The following HECTD4 variants were observed in gnomAD, a reference collection of about 807,000 sequenced individuals.
The protein encoded by HECTD4 is probable E3 ubiquitin-protein ligase HECTD4.
A neutral mutation model predicts 471.5 loss-of-function variants in HECTD4; 114 were observed. The ratio of observed to expected loss-of-function variants is 0.24; its 90% CI spans 0.21 to 0.28. The LOEUF (loss-of-function observed/expected upper bound fraction) is 0.28. Ranked by LOEUF, HECTD4 falls within the 10% of genes least tolerant of loss-of-function variation. HECTD4 has a pLI of 1.00. For synonymous variants in HECTD4, 2,012 were observed against 2,256.0 expected (o/e 0.89, Z 3.07); for missense variants, 3,866 against 5,651.5 (o/e 0.68, Z 10.13).
intron 59 of HECTD4, 59 bp from the exon 60 acceptor site, chr12:112,191,024 T>C: frequency 7.1e-7 from 1 of 1,404,426 alleles, no homozygotes; most frequent in Non-Finnish European, 9.6e-7. Context: ...CAAATAAGCC[T>C]CACAAAAGGT....
chr12:112,357,111 C>T (rs903212263), intron 1 of HECTD4, among the ~76,000 whole-genome samples: 2 of 152,066 alleles, frequency 1.3e-5, no homozygotes, highest in Admixed American at 1.3e-4. Context: ...TGAAAAAAAG[C>T]AGGACTAAAT....
chr12:112,251,175 A>C, intron 23 of HECTD4, 41 bp from the exon 24 acceptor site: 1 of 1,592,492 alleles, frequency 6.3e-7, no homozygotes, highest in South Asian at 1.1e-5. Context: ...GTCAGTGTAC[A>C]CTGGCAGAGG....
At position 112,381,058 on chromosome 12, in the gene HECTD4, G is replaced by A. The variant is rs1195184295; in HGVS notation, c.177+894C>T. On this transcript the variant is annotated intron_variant, in intron 1 of 75. Transcript: ENST00000682272. This position sits in a 1 kb window ranked among gnomAD's most constrained non-coding sequence, Gnocchi z 4.1. ...AAATGTCATCCCACAAAGTGGAAGG[G>A]GAGCAGTGTCAGCATCCGTTGGCCT... Among the ~76,000 whole-genome samples, 1 of 152,098 alleles carries A rather than the reference G, an allele frequency of 6.6e-6. No homozygotes were observed. Among genetic ancestry groups the A allele is most frequent in the Non-Finnish European group, 1.5e-5 (1 of 68,018 alleles).
intron 1 of HECTD4, among the ~76,000 whole-genome samples, chr12:112,374,942 C>T (rs984527692): frequency 6.6e-6 from 1 of 152,220 alleles, no homozygotes; most frequent in Non-Finnish European, 1.5e-5. Flanking sequence ...GTAAACTGCA[C>T]ATATTTAAAG....
At chr12:112,240,181 C>T (rs2033606649) in intron 32 of HECTD4, among the ~76,000 whole-genome samples, 154 bp from the exon 33 acceptor site, 1 of 152,172 alleles carries the variant, frequency 6.6e-6, no homozygotes, top group Admixed American at 6.5e-5. Context: ...CTAGACTATG[C>T]AAGACTGCTG....
At chr12:112,325,244 G>C (rs970897649) in intron 1 of HECTD4, among the ~76,000 whole-genome samples, 2 of 152,098 alleles carry the variant, frequency 1.3e-5, no homozygotes, top group Admixed American at 6.6e-5. Flanking sequence ...TAAAAGACAA[G>C]TGCACTGAAA....
chr12:112,252,222 C>T (rs1195591211), intron 23 of HECTD4, among the ~76,000 whole-genome samples: 7 of 152,180 alleles, frequency 4.6e-5, no homozygotes, highest in Admixed American at 4.6e-4. Context: ...TATTTCTGTG[C>T]TGCTGAGTTG....
At chr12:112,298,219 T>C (rs2035083796) in intron 7 of HECTD4, among the ~76,000 whole-genome samples, 1 of 152,048 alleles carries the variant, frequency 6.6e-6, no homozygotes, top group South Asian at 2.1e-4. Context: ...TCAGGAGAGT[T>C]GGTTTTGTTT....
At position 112,297,495 on chromosome 12, in the gene HECTD4, CATTTTGAAG is replaced by C. The variant is rs1365737199; in HGVS notation, c.1335+8560_1335+8568del. Among the ~76,000 whole-genome samples, 10 of 151,862 alleles carry C rather than the reference CATTTTGAAG, an allele frequency of 6.6e-5. 1 individual carries two copies. The highest frequency in any genetic ancestry group is 1.0e-4 in the Non-Finnish European group (7 of 67,950). ...TCTATAGAAGTAATGGGATGGGATA[CATTTTGAAG>C]ATAGAGCAGACAGTATTTGCTGACT... On this transcript the variant is annotated intron_variant, in intron 7 of 75. Coordinates refer to ENST00000682272, the MANE Select transcript of HECTD4 (RefSeq NM_001388303.1).
chr12:112,372,497 G>A (rs1237727693), intron 1 of HECTD4, among the ~76,000 whole-genome samples: 2 of 86,270 alleles, frequency 2.3e-5, no homozygotes, highest in African/African-American at 1.0e-4. Flanking sequence ...TCCTGACCTC[G>A]TGATCCGCCC....
At position 112,319,447 on chromosome 12, in the gene HECTD4, C is replaced by T; in HGVS notation, c.473G>A (p.Ser158Asn). ...GTTACAGAGAGAGGGGTCTGTTCTA[C>T]TCTGGGACTGAATAAGGGGGAAGAC... ...LLVFPLIQSQ[S>N]RTDPSLCNIT... The change falls in exon 2 of 76, where the codon AGT becomes AAT. Residue 158 changes from serine to asparagine, a missense_variant. Ser to Asn is a conservative substitution (Grantham distance 46). This residue lies in a region of HECTD4 where 440 missense variants were observed against 636.0 expected (regional missense o/e 0.69). Transcript: ENST00000682272. The surrounding 1 kb of genome is among the most constrained non-coding windows in gnomAD (Gnocchi z 5.3). 1.3e-6 allele frequency: 2 copies of T among 1,535,158 alleles called. No homozygotes were observed. Among genetic ancestry groups the T allele is most frequent in the East Asian group, 2.4e-5 (1 of 40,902 alleles).
At position 112,248,140 on chromosome 12, in the gene HECTD4, C is replaced by T. The variant is rs1242729601; in HGVS notation, c.4175G>A (p.Ser1392Asn). ...CCCCTGCATGGCATCATCAACTTCA[C>T]TTTGCCATTTTTGTTCCAGTTCTGC... The part of the protein sequence containing the change: ...SVAELEQKWQ[S>N]EVDDAMQGKL... Residue 1392 changes from serine (S) to asparagine (N), a missense_variant, in exon 27 of 76, where the codon AGT becomes AAT. Physicochemically the swap from Ser to Asn is conservative, Grantham distance 46. Coordinates refer to ENST00000682272, the MANE Select transcript of HECTD4 (RefSeq NM_001388303.1). 2 of 1,613,522 alleles carry T rather than the reference C, an allele frequency of 1.2e-6. No individual in the cohort carries two copies. The highest frequency in any genetic ancestry group is 2.2e-5 in the South Asian group (2 of 90,990).
chr12:112,361,374 A>T (rs1216560087), intron 1 of HECTD4, among the ~76,000 whole-genome samples: 1 of 151,942 alleles, frequency 6.6e-6, no homozygotes, highest in Non-Finnish European at 1.5e-5. Context: ...GGCTCAAGCG[A>T]TCCTCCCACC....
chr12:112,208,198 T>C lies in HECTD4; in HGVS notation c.8005-198A>G, dbSNP rs558443632. ...CAGCAACACTAGGGCAAGCTCTTCG[T>C]TTCCCTCTAAAGAAGCCATAGAAGC... On this transcript the variant is annotated intron_variant, in intron 51 of 75. Transcript: ENST00000682272. Among the ~76,000 whole-genome samples, 27 of 152,320 alleles carry C rather than the reference T, an allele frequency of 1.8e-4. No homozygotes were observed. In the South Asian group the frequency reaches 5.0e-3, roughly 28 times the overall value.
At chr12:112,222,337 G>T (rs1175826580) in intron 44 of HECTD4, among the ~76,000 whole-genome samples, 1 of 152,150 alleles carries the variant, frequency 6.6e-6, no homozygotes, top group South Asian at 2.1e-4. Context: ...AATTACAGGC[G>T]TGAGCCACAG....
intron 7 of HECTD4, among the ~76,000 whole-genome samples, chr12:112,284,140 G>GA (rs1322724725): frequency 6.6e-6 from 1 of 152,062 alleles, no homozygotes; most frequent in African/African-American, 2.4e-5. Flanking sequence ...TATTGAAGAT[G>GA]AACCCTTCCA....
chr12:112,176,845 C>T (rs895472971), intron 64 of HECTD4, 143 bp from the exon 65 acceptor site: 6 of 649,010 alleles, frequency 9.2e-6, no homozygotes, highest in Non-Finnish European at 1.4e-5. Context: ...CGTTCAAGAC[C>T]GCCTTTGTTC....
chr12:112,367,293 G>T (rs367564223), intron 1 of HECTD4, among the ~76,000 whole-genome samples: 1 of 122,412 alleles, frequency 8.2e-6, no homozygotes. Flanking sequence ...AGTAAGACTT[G>T]GTCTCAAAAA....
Position 112,199,068 on chromosome 12 carries a change from CTGT to C in HECTD4, c.8567+1567_8567+1569del, listed in dbSNP as rs139748193. ...TGTCAGCTTGGATTAGGACACGGGG[CTGT>C]TGAGCCGCCGGCCGCAGGAGCCCTG... On this transcript the variant is annotated intron_variant, in intron 55 of 75. Coordinates refer to ENST00000682272, the MANE Select transcript of HECTD4 (RefSeq NM_001388303.1). Among the ~76,000 whole-genome samples, 416 of 152,238 alleles carry C rather than the reference CTGT, an allele frequency of 2.7e-3. 1 individual carries two copies. Among genetic ancestry groups the C allele is most frequent in the Non-Finnish European group, 3.4e-3 (230 of 68,026 alleles).
Sources: allele counts gnomAD v4.1 joint callset (sites outside exome capture counted in the v4.1 genomes callset), GRCh38; gene constraint gnomAD v4.1.1; regional missense constraint gnomAD v4.1.1; non-coding constraint Gnocchi (gnomAD v3.1); transcripts MANE v1.5; gene names NCBI Gene and HGNC (gene_info 2026-07-23, HGNC 2026-07-21).